RBMS1: variants seen among roughly 807,000 people sequenced by gnomAD.
The protein encoded by RBMS1 is RNA-binding motif, single-stranded-interacting protein 1.
RBMS1 carries 17 observed loss-of-function variants against 62.3 expected under a neutral mutation model. The observed-to-expected ratio is 0.27, with a 90% CI of 0.19 to 0.41. The LOEUF (loss-of-function observed/expected upper bound fraction) is 0.41, where lower values mean the gene tolerates loss of function less well. Ranked by LOEUF, RBMS1 falls within the 10% of genes least tolerant of loss-of-function variation. The pLI is 1.00. For synonymous variants in RBMS1, 172 were observed against 170.0 expected, an observed-to-expected ratio of 1.01 and a Z score of -0.09; for missense variants, 334 against 504.5, an observed-to-expected ratio of 0.66 and a Z score of 3.24.
At chr2:160,372,469 T>C (rs753011084) in intron 1 of RBMS1, among the ~76,000 whole-genome samples, 31 of 152,186 alleles carry the variant, frequency 2.0e-4, no homozygotes, top group Non-Finnish European at 3.5e-4. Context: ...GACAGAAGTT[T>C]ACAGAACATT....
At chr2:160,278,382 T>G in intron 11 of RBMS1, 166 bp downstream of exon 11, 1 of 642,718 alleles carries the variant, frequency 1.6e-6, no homozygotes, top group Non-Finnish European at 2.8e-6. Flanking sequence ...ATCAATTAAT[T>G]AAGAAATAGC....
chr2:160,298,479 C>CA (rs1373845227), intron 6 of RBMS1, among the ~76,000 whole-genome samples: 2 of 151,736 alleles, frequency 1.3e-5, no homozygotes, highest in Non-Finnish European at 2.9e-5. Context: ...AATCCTGAGC[C>CA]AAAAAATGGA....
intron 1 of RBMS1, among the ~76,000 whole-genome samples, chr2:160,467,250 T>G (rs923161934): frequency 6.7e-6 from 1 of 148,864 alleles, no homozygotes; most frequent in Non-Finnish European, 1.5e-5. Context: ...CTGTGAGGAA[T>G]GCAAAATGAA....
intron 1 of RBMS1, among the ~76,000 whole-genome samples, chr2:160,442,007 T>A (rs1683429780): frequency 6.6e-6 from 1 of 152,252 alleles, no homozygotes; most frequent in Admixed American, 6.5e-5. Context: ...TTTGTCTTTT[T>A]ATGGTAGATT....
chr2:160,393,329 T>C (rs1694958566), intron 1 of RBMS1, among the ~76,000 whole-genome samples: 1 of 152,232 alleles, frequency 6.6e-6, no homozygotes, highest in Admixed American at 6.5e-5. Flanking sequence ...TATATAGTTA[T>C]TTATACACTT....
intron 1 of RBMS1, among the ~76,000 whole-genome samples, chr2:160,443,223 C>A (rs67582916): frequency 0.063 from 8,504 of 135,002 alleles, 809 homozygotes; most frequent in African/African-American, 0.21. Flanking sequence ...AAAAAAAAAA[C>A]AAAAAAAAAA....
At chr2:160,363,223 C>T (rs62177309) in intron 2 of RBMS1, among the ~76,000 whole-genome samples, 13,465 of 152,220 alleles carry the variant, frequency 0.088, 740 homozygotes, top group South Asian at 0.21. Context: ...CTGACTACAA[C>T]GCTTTTGTAG....
chr2:160,446,336 C>T (rs1416860917), intron 1 of RBMS1, among the ~76,000 whole-genome samples: 1 of 152,256 alleles, frequency 6.6e-6, no homozygotes, highest in African/African-American at 2.4e-5. Flanking sequence ...CAGGATTGGC[C>T]GATTGCTCTT....
At chr2:160,482,055 C>G (rs914555418) in intron 1 of RBMS1, among the ~76,000 whole-genome samples, 11 of 151,914 alleles carry the variant, frequency 7.2e-5, no homozygotes, top group African/African-American at 2.7e-4. Flanking sequence ...TGAAATAATC[C>G]AAATGCTCAT....
At chr2:160,396,550 C>CTTTTTTTTTTTTTT (rs59600753) in intron 1 of RBMS1, among the ~76,000 whole-genome samples, 18 of 77,850 alleles carry the variant, frequency 2.3e-4, no homozygotes, top group South Asian at 6.0e-4. Context: ...TTCTTTTTAT[C>CTTTTTTTTTTTTTT]TTTTTTTTTT....
intron 1 of RBMS1, chr2:160,407,559 G>A (rs1211235535): frequency 2.0e-6 from 2 of 983,640 alleles, no homozygotes; most frequent in Non-Finnish European, 2.4e-6. Flanking sequence ...GGCGGGTGCG[G>A]GCGCGGGCGC....
At chr2:160,475,170 A>G (rs1435095898) in intron 1 of RBMS1, among the ~76,000 whole-genome samples, 1 of 152,262 alleles carries the variant, frequency 6.6e-6, no homozygotes, top group Non-Finnish European at 1.5e-5. Flanking sequence ...AGCCATGTTA[A>G]CTGAAAGAAA....
chr2:160,439,022 C>T (rs1300948604), intron 1 of RBMS1, among the ~76,000 whole-genome samples: 1 of 148,640 alleles, frequency 6.7e-6, no homozygotes, highest in Non-Finnish European at 1.5e-5. Flanking sequence ...GGGGGCTGAC[C>T]CCCCAATCTC....
intron 4 of RBMS1, among the ~76,000 whole-genome samples, chr2:160,304,880 G>A (rs1689416076): frequency 1.3e-5 from 2 of 152,022 alleles, no homozygotes; most frequent in Admixed American, 1.3e-4. Context: ...TTTTTGAGAT[G>A]GAGTCTTGCT....
At chr2:160,466,515 T>G (rs142809781) in intron 1 of RBMS1, among the ~76,000 whole-genome samples, 8 of 152,152 alleles carry the variant, frequency 5.3e-5, no homozygotes, top group Non-Finnish European at 1.2e-4. Context: ...GCTTTTGTTT[T>G]TATCTGAAAT....
chr2:160,475,072 G>A (rs566815404), intron 1 of RBMS1, among the ~76,000 whole-genome samples: 7 of 152,196 alleles, frequency 4.6e-5, no homozygotes, highest in Non-Finnish European at 1.0e-4. Context: ...TTTTGCAATA[G>A]ACCTGTAAAA....
intron 2 of RBMS1, among the ~76,000 whole-genome samples, chr2:160,331,198 T>G (rs1183175080): frequency 6.6e-6 from 1 of 152,184 alleles, no homozygotes; most frequent in Non-Finnish European, 1.5e-5. Flanking sequence ...TGGTACTGTG[T>G]TACAGCAGTC....
chr2:160,438,413 G>C lies in RBMS1; in HGVS notation c.75+54876C>G, dbSNP rs940140903. Among the ~76,000 whole-genome samples, 8 of 151,716 alleles carry C rather than the reference G, an allele frequency of 5.3e-5. No individual in the cohort carries two copies. In the East Asian group the frequency reaches 7.7e-4, roughly 15 times the overall value. On this transcript the variant is annotated intron_variant, in intron 1 of 13. Coordinates refer to ENST00000348849, the MANE Select transcript of RBMS1 (RefSeq NM_016836.4). ...TAGGCAGAGGACCCTGCGGCCTTCC[G>C]CAGTGTTTGTGTCCCTGGGTACTTG...
At chr2:160,422,936 T>C (rs1696491423) in intron 1 of RBMS1, among the ~76,000 whole-genome samples, 1 of 152,174 alleles carries the variant, frequency 6.6e-6, no homozygotes. Context: ...TTAGTTTTTT[T>C]CTCAAATTCC....
Sources: allele counts gnomAD v4.1 joint callset (sites outside exome capture counted in the v4.1 genomes callset), GRCh38; gene constraint gnomAD v4.1.1; transcripts MANE v1.5; gene names NCBI Gene and HGNC (gene_info 2026-07-23, HGNC 2026-07-21).